The following PCDHGA1 variants were observed in gnomAD, a reference collection of about 807,000 sequenced individuals.
PCDHGA1 encodes protocadherin gamma subfamily A, 1, also known as protocadherin gamma-A1.
Under a neutral mutation model 58.0 loss-of-function variants are expected in PCDHGA1, and 32 were observed. That is an observed-to-expected ratio of 0.55 (90% CI 0.42 to 0.74). The LOEUF is 0.74. Among genes scored for constraint, PCDHGA1 ranks in the 30% least tolerant of loss-of-function variants. The probability of loss-of-function intolerance (pLI) is 0.00; values close to 1 mark genes in which losing one functional copy is unlikely to be tolerated. For missense variants in PCDHGA1, 1,205 were observed against 1,182.3 expected (o/e 1.02, Z -0.28); for synonymous variants, 498 against 501.1 (o/e 0.99, Z 0.08).
chr5:141,343,687 C>G (rs959663162), intron 1 of PCDHGA1: 1 of 198,344 alleles, frequency 5.0e-6, no homozygotes, highest in Non-Finnish European at 1.0e-5. Context: ...CAACACTAGT[C>G]CTCTTATCTC....
chr5:141,488,572 T>C (rs888054788), intron 1 of PCDHGA1, among the ~76,000 whole-genome samples: 28 of 152,212 alleles, frequency 1.8e-4, no homozygotes, highest in African/African-American at 6.8e-4. Flanking sequence ...CCGCAAAGCA[T>C]TGCTGGAGAG....
chr5:141,461,506 AT>A (rs1406680307), intron 1 of PCDHGA1, among the ~76,000 whole-genome samples: 2 of 151,524 alleles, frequency 1.3e-5, no homozygotes, highest in Non-Finnish European at 1.5e-5. Context: ...TTTCTTGGTG[AT>A]TTGTTAGTTC....
rs373286702 is a variant in PCDHGA1, at chr5:141,421,190, A to T, written c.2422-73617A>T. ...TACATAAGCCGATTCACAACCAACC[A>T]GCTCGAGAAACCGCGGAATATCGGC... On this transcript the variant is annotated intron_variant, in intron 1 of 3. Transcript: ENST00000517417. The T allele has an allele frequency of 4.7e-6, 7 of 1,480,168 alleles. No homozygotes were observed. The South Asian group carries it at 9.4e-5, about 20-fold the overall frequency. 91.7% of individuals were successfully genotyped at this position (1,480,168 alleles called of 1,614,324 possible).
rs779598429 is a variant in PCDHGA1, at chr5:141,345,516, A to G, written c.2421+12411A>G. On this transcript the variant is annotated intron_variant, in intron 1 of 3. Coordinates refer to ENST00000517417, the MANE Select transcript of PCDHGA1 (RefSeq NM_018912.3). Reference sequence around the variant, plus strand: ...CATCACTTATGCATTGACCGAGGACACTCTCCAGGGGGCGCCCCTGTCCTC... The same window carrying G: ...CATCACTTATGCATTGACCGAGGACGCTCTCCAGGGGGCGCCCCTGTCCTC... The G allele has an allele frequency of 1.9e-6, 3 of 1,613,566 alleles. No individual in the cohort carries two copies. In the South Asian group the frequency reaches 3.3e-5, roughly 18 times the overall value.
At chr5:141,423,631 T>G (rs1452661307) in intron 1 of PCDHGA1, 2 of 1,603,990 alleles carry the variant, frequency 1.2e-6, no homozygotes, top group African/African-American at 2.7e-5. Flanking sequence ...AGCTATCATT[T>G]TAGGCAAATG....
intron 1 of PCDHGA1, among the ~76,000 whole-genome samples, chr5:141,354,260 G>C (rs914348082): frequency 6.6e-6 from 1 of 151,652 alleles, no homozygotes; most frequent in Non-Finnish European, 1.5e-5. Context: ...CATTGTTTTA[G>C]GCTTTGCATT....
At position 141,486,905 on chromosome 5, in the gene PCDHGA1, C is replaced by G. The variant is rs1463391292; in HGVS notation, c.2422-7902C>G. On this transcript the variant is annotated intron_variant, in intron 1 of 3. Coordinates refer to ENST00000517417, the MANE Select transcript of PCDHGA1 (RefSeq NM_018912.3). This position sits in a 1 kb window ranked among gnomAD's most constrained non-coding sequence, Gnocchi z 5.0. ...GGCCCGGCCTGGTTCCTTATGTCCC[C>G]AAGCACTGCCTCCATCAGTTGGTGC... 1 of 1,614,250 alleles carries G rather than the reference C, an allele frequency of 6.2e-7. No individual in the cohort carries two copies. The highest frequency in any genetic ancestry group is 1.3e-5 in the African/African-American group (1 of 75,066).
intron 1 of PCDHGA1, among the ~76,000 whole-genome samples, chr5:141,434,409 T>G (rs2097692930): frequency 6.6e-6 from 1 of 152,232 alleles, no homozygotes; most frequent in South Asian, 2.1e-4. Context: ...TCTGCAGCAC[T>G]GTGACATGTT....
At chr5:141,392,834 C>T in intron 1 of PCDHGA1, 2 of 1,607,664 alleles carry the variant, frequency 1.2e-6, no homozygotes, top group Non-Finnish European at 1.7e-6. Flanking sequence ...CACAGAGTCG[C>T]CCCAGACGCG....
At chr5:141,396,410 G>C (rs2093377441) in intron 1 of PCDHGA1, 1 of 152,250 alleles carries the variant, frequency 6.6e-6, no homozygotes, top group Non-Finnish European at 1.5e-5. Context: ...CCTGAGGTCA[G>C]GAGTTCAAGA....
At chr5:141,361,570 C>A in intron 1 of PCDHGA1, 1 of 1,614,036 alleles carries the variant, frequency 6.2e-7, no homozygotes. Context: ...TGCCTCTGAC[C>A]CTGACTTGGG....
chr5:141,475,984 G>C (rs1282216343), intron 1 of PCDHGA1: 1 of 1,069,308 alleles, frequency 9.4e-7, no homozygotes, highest in Non-Finnish European at 1.3e-6. Flanking sequence ...AACAGCCGGC[G>C]AGCAAATCAA....
In PCDHGA1 at chr5:141,331,833, A is replaced by C; in HGVS notation, c.1149A>C (p.Thr383=). Residue 383 remains threonine, a synonymous_variant, in exon 1 of 4, where the codon ACA becomes ACC. Transcript: ENST00000517417. The stretch of plus-strand genomic sequence containing the variant: ...ACTCAGGAGACAATGGCTACACCAC[A>C]TGTTTCATTCCTGGAAATTTACCCT... ...DQDSGDNGYT[T]CFIPGNLPFK... The C allele has an allele frequency of 6.2e-7, 1 of 1,614,186 alleles. No individual in the cohort carries two copies. Among genetic ancestry groups the C allele is most frequent in the South Asian group, 1.1e-5 (1 of 91,080 alleles).
At chr5:141,473,988 G>C (rs1006988447) in intron 1 of PCDHGA1, among the ~76,000 whole-genome samples, 8 of 152,118 alleles carry the variant, frequency 5.3e-5, no homozygotes, top group Non-Finnish European at 4.4e-5. Context: ...AGGATCCCTT[G>C]AGCCCAAGGA....
At chr5:141,422,420 C>A in intron 1 of PCDHGA1, 2 of 1,607,576 alleles carry the variant, frequency 1.2e-6, no homozygotes, top group Non-Finnish European at 1.7e-6. Context: ...TTAGAAAAGA[C>A]TTATGGAAAT....
chr5:141,419,043 A>G (rs1561777660), intron 1 of PCDHGA1: 5 of 1,613,958 alleles, frequency 3.1e-6, no homozygotes. Flanking sequence ...TTTAAGATTC[A>G]TTCTTCTTCT....
At chr5:141,482,901 A>T (rs192886570) in intron 1 of PCDHGA1, among the ~76,000 whole-genome samples, 2 of 152,240 alleles carry the variant, frequency 1.3e-5, no homozygotes, top group African/African-American at 4.8e-5. Flanking sequence ...GTGAAACCTC[A>T]TCTCTATTAA....
intron 1 of PCDHGA1, among the ~76,000 whole-genome samples, chr5:141,381,922 C>A (rs1777762962): frequency 6.9e-6 from 1 of 145,556 alleles, no homozygotes. Context: ...CTCCACCTCC[C>A]GGGTTCAAGC....
chr5:141,453,318 AG>A (rs1299190594), intron 1 of PCDHGA1, among the ~76,000 whole-genome samples: 2 of 151,458 alleles, frequency 1.3e-5, no homozygotes, highest in Non-Finnish European at 2.9e-5. Context: ...TTTATTTTAG[AG>A]ATGGGGTCTC....
Sources: allele counts gnomAD v4.1 joint callset (sites outside exome capture counted in the v4.1 genomes callset), GRCh38; gene constraint gnomAD v4.1.1; non-coding constraint Gnocchi (gnomAD v3.1); transcripts MANE v1.5; gene names NCBI Gene and HGNC (gene_info 2026-07-23, HGNC 2026-07-21).